The following DOK6 variants were observed in gnomAD, a reference collection of about 807,000 sequenced individuals.
DOK6 encodes the protein downstream of tyrosine kinase 6.
A neutral mutation model predicts 44.0 loss-of-function variants in DOK6; 22 were observed. That is an observed-to-expected ratio of 0.50 (90% CI 0.36 to 0.71). DOK6 has a LOEUF of 0.71. Among genes scored for constraint, DOK6 ranks in the 30% least tolerant of loss-of-function variants. The pLI is 0.00. For missense variants in DOK6, 340 were observed against 416.4 expected (o/e 0.82, Z 1.60); for synonymous variants, 166 against 145.5 (o/e 1.14, Z -1.01).
intron 1 of DOK6, among the ~76,000 whole-genome samples, chr18:69,487,552 T>A (rs1291061363): frequency 6.6e-6 from 1 of 152,178 alleles, no homozygotes; most frequent in Non-Finnish European, 1.5e-5. Context: ...AACCAAAAGT[T>A]CCTTTTTTAA....
chr18:69,675,554 T>C (rs1265990062), intron 3 of DOK6, among the ~76,000 whole-genome samples: 1 of 152,170 alleles, frequency 6.6e-6, no homozygotes. Context: ...AAGAAAAACA[T>C]ACCTAATGTT....
At chr18:69,614,802 TAC>T (rs1170244740) in intron 3 of DOK6, among the ~76,000 whole-genome samples, 1 of 151,416 alleles carries the variant, frequency 6.6e-6, no homozygotes, top group Admixed American at 6.6e-5. Context: ...TATATGTATA[TAC>T]ACACACACAT....
chr18:69,832,258 C>T (rs1219178879), intron 7 of DOK6, among the ~76,000 whole-genome samples: 3 of 152,110 alleles, frequency 2.0e-5, no homozygotes, highest in African/African-American at 7.2e-5. Context: ...AGAACTTTAT[C>T]AAGTGCTTCT....
intron 4 of DOK6, among the ~76,000 whole-genome samples, chr18:69,694,563 G>A (rs975957798): frequency 6.6e-6 from 1 of 151,630 alleles, no homozygotes; most frequent in Non-Finnish European, 1.5e-5. Flanking sequence ...GCTAATATGG[G>A]ACTCTAAATT....
At chr18:69,753,037 T>C (rs765191326) in intron 6 of DOK6, among the ~76,000 whole-genome samples, 2 of 152,150 alleles carry the variant, frequency 1.3e-5, no homozygotes, top group Non-Finnish European at 2.9e-5. Flanking sequence ...CTTGAAAAGA[T>C]AGTAACAAAA....
At chr18:69,524,174 G>A (rs1981765147) in intron 1 of DOK6, among the ~76,000 whole-genome samples, 1 of 151,916 alleles carries the variant, frequency 6.6e-6, no homozygotes, top group Admixed American at 6.6e-5. Flanking sequence ...TGTTAATTGT[G>A]TAGCTCTGTC....
In DOK6 at chr18:69,845,111, AC is replaced by A. The variant is rs1052338994; in HGVS notation, c.*3731del. On this transcript the variant is annotated 3_prime_UTR_variant, in exon 8 of 8. Coordinates refer to ENST00000382713, the MANE Select transcript of DOK6 (RefSeq NM_152721.6). Reference sequence around the variant, plus strand: ...GAAAACTTTGTAAAAAAGCATGGGGACCCTACTCCCTAGATTATTTGAGCCA... The same window carrying A: ...GAAAACTTTGTAAAAAAGCATGGGGACCTACTCCCTAGATTATTTGAGCCA... The A allele has an allele frequency of 2.6e-5, 4 of 152,138 alleles. No homozygotes were observed. The highest frequency in any genetic ancestry group is 5.9e-5 in the Non-Finnish European group (4 of 68,008). 9.4% of individuals were successfully genotyped at this position (152,138 alleles called of 1,614,324 possible).
intron 3 of DOK6, among the ~76,000 whole-genome samples, chr18:69,642,280 A>C (rs1984961252): frequency 6.6e-6 from 1 of 152,226 alleles, no homozygotes; most frequent in Non-Finnish European, 1.5e-5. Context: ...AAAAGAATAC[A>C]GGTACATTTG....
At chr18:69,687,415 C>T (rs1986175952) in intron 4 of DOK6, among the ~76,000 whole-genome samples, 1 of 151,208 alleles carries the variant, frequency 6.6e-6, no homozygotes, top group South Asian at 2.1e-4. Context: ...ATGACGGTGG[C>T]TCACACCTGT....
At chr18:69,571,065 T>C (rs1983104109) in intron 2 of DOK6, among the ~76,000 whole-genome samples, 1 of 152,010 alleles carries the variant, frequency 6.6e-6, no homozygotes, top group Non-Finnish European at 1.5e-5. Flanking sequence ...TATGAATATT[T>C]AATATATGTG....
chr18:69,748,243 C>A (rs1979053606), intron 6 of DOK6, among the ~76,000 whole-genome samples: 1 of 152,070 alleles, frequency 6.6e-6, no homozygotes, highest in Non-Finnish European at 1.5e-5. Flanking sequence ...ATTCATAAAA[C>A]CAGTTCTTAG....
At chr18:69,621,359 C>G (rs1009661742) in intron 3 of DOK6, among the ~76,000 whole-genome samples, 2 of 152,014 alleles carry the variant, frequency 1.3e-5, no homozygotes, top group African/African-American at 4.8e-5. Context: ...TACTATATAC[C>G]TTATTATTTT....
intron 7 of DOK6, among the ~76,000 whole-genome samples, chr18:69,770,724 A>C (rs1979863180): frequency 6.6e-6 from 1 of 152,066 alleles, no homozygotes; most frequent in African/African-American, 2.4e-5. Context: ...CAGCTTTTTA[A>C]CTAAGCTTTA....
At chr18:69,580,971 A>T (rs968873754) in intron 2 of DOK6, among the ~76,000 whole-genome samples, 1 of 151,978 alleles carries the variant, frequency 6.6e-6, no homozygotes. Context: ...TCTCCTCCAA[A>T]CTCATCCATG....
intron 5 of DOK6, among the ~76,000 whole-genome samples, chr18:69,738,035 G>T (rs1309104355): frequency 6.6e-6 from 1 of 152,320 alleles, no homozygotes; most frequent in East Asian, 1.9e-4. Flanking sequence ...ATTTCACGCT[G>T]TGTGAATTTT....
At chr18:69,837,509 G>C (rs1298176158) in intron 7 of DOK6, among the ~76,000 whole-genome samples, 1 of 151,140 alleles carries the variant, frequency 6.6e-6, no homozygotes, top group Non-Finnish European at 1.5e-5. Context: ...GAGGACAAAT[G>C]TGAACCAATT....
At chr18:69,684,597 GT>G (rs141269732) in intron 4 of DOK6, among the ~76,000 whole-genome samples, 20,047 of 152,180 alleles carry the variant, frequency 0.13, 1,416 homozygotes, top group Middle Eastern at 0.19. Flanking sequence ...GAAAAGAAGA[GT>G]TTTATGGAAA....
At chr18:69,432,373 G>T (rs1316920045) in intron 1 of DOK6, among the ~76,000 whole-genome samples, 6 of 152,148 alleles carry the variant, frequency 3.9e-5, no homozygotes, top group Admixed American at 3.9e-4. Context: ...GTACCCAGGA[G>T]GTCAAGGCTG....
chr18:69,607,231 G>C lies in DOK6; in HGVS notation c.289+7733G>C, dbSNP rs1599218420. 2.6e-5 allele frequency among the ~76,000 whole-genome samples: 4 copies of C among 152,264 alleles called. No homozygotes were observed. The East Asian group carries it at 7.7e-4, about 29-fold the overall frequency. ...CCCCAGGGGGAGTGAGCAGTTTCCTGGTAGTCGCACTTGATCTACTTTGTT... is the reference window on the plus strand; with the variant it reads ...CCCCAGGGGGAGTGAGCAGTTTCCTCGTAGTCGCACTTGATCTACTTTGTT... On this transcript the variant is annotated intron_variant, in intron 3 of 7. Coordinates refer to ENST00000382713, the MANE Select transcript of DOK6 (RefSeq NM_152721.6).
Sources: gnomAD v4.1 joint callset for allele counts (sites outside exome capture counted in the v4.1 genomes callset) on GRCh38, gnomAD v4.1.1 for gene constraint, MANE v1.5 for transcripts, NCBI Gene and HGNC (gene_info 2026-07-23, HGNC 2026-07-21) for gene names.